The following DCLK1 variants were observed in gnomAD, a reference collection of about 807,000 sequenced individuals.
DCLK1 encodes the protein doublecortin like kinase 1.
In DCLK1, 16 loss-of-function variants were observed where a neutral mutation model predicts 86.2. The observed-to-expected ratio is 0.19, with a 90% CI of 0.13 to 0.28. The LOEUF (loss-of-function observed/expected upper bound fraction) is 0.28, where lower values mean the gene tolerates loss of function less well. Among genes scored for constraint, DCLK1 ranks in the 10% least tolerant of loss-of-function variants. The pLI, the probability that DCLK1 is intolerant of heterozygous loss-of-function variation, is 1.00. For synonymous variants in DCLK1, 369 were observed against 370.5 expected (o/e 1.00, Z 0.05); for missense variants, 590 against 940.2 (o/e 0.63, Z 4.87).
rs2086276836 is a variant in DCLK1 at position 35,768,762 on chromosome 13, A to G, written c.*5773T>C. On this transcript the variant is annotated 3_prime_UTR_variant, in exon 17 of 17. Coordinates refer to ENST00000360631, the MANE Select transcript of DCLK1 (RefSeq NM_001330071.2). ...GCTGTTTTTGAATTATGCTCATGAA[A>G]TACACACTGTGCTATGGAGGACATG... 2 of 152,362 alleles carry G rather than the reference A, an allele frequency of 1.3e-5. No homozygotes were observed. Among genetic ancestry groups the G allele is most frequent in the South Asian group, 2.1e-4 (1 of 4,828 alleles). 9.4% of individuals were successfully genotyped at this position (152,362 alleles called of 1,614,324 possible). A position where few individuals can be genotyped will look rare whatever the true frequency, so the allele number is the denominator to read the frequency against.
At chr13:35,915,920 G>A (rs1003678696) in intron 4 of DCLK1, among the ~76,000 whole-genome samples, 6 of 152,134 alleles carry the variant, frequency 3.9e-5, no homozygotes, top group African/African-American at 1.4e-4. Context: ...AAATGTTCAA[G>A]CCTGACACAT....
At chr13:35,791,798 C>T (rs545464617) in intron 16 of DCLK1, among the ~76,000 whole-genome samples, 1 of 152,332 alleles carries the variant, frequency 6.6e-6, no homozygotes, top group East Asian at 1.9e-4. Flanking sequence ...GGCACTCTCT[C>T]TAGCAGCTGT....
intron 4 of DCLK1, among the ~76,000 whole-genome samples, chr13:35,896,949 T>G (rs1566591552): frequency 1.3e-5 from 2 of 152,064 alleles, no homozygotes. Context: ...TTAGAGAATG[T>G]GCAGAGATAA....
intron 6 of DCLK1, among the ~76,000 whole-genome samples, chr13:35,851,460 G>A (rs1870631173): frequency 6.6e-6 from 1 of 151,812 alleles, no homozygotes; most frequent in African/African-American, 2.4e-5. Context: ...GTCTAGAGTT[G>A]GCTTTTCTCC....
chr13:36,095,159 A>G, intron 3 of DCLK1, among the ~76,000 whole-genome samples: 1 of 126,768 alleles, frequency 7.9e-6, no homozygotes, highest in East Asian at 2.6e-4. Context: ...ATATCTCTCT[A>G]TCTCTCTCTC....
At chr13:36,099,485 C>T (rs1380735162) in intron 3 of DCLK1, among the ~76,000 whole-genome samples, 1 of 152,080 alleles carries the variant, frequency 6.6e-6, no homozygotes, top group African/African-American at 2.4e-5. Context: ...AGTAATGAAA[C>T]TTGCAGTGAG....
chr13:35,800,186 G>T (rs1323042880), intron 15 of DCLK1, among the ~76,000 whole-genome samples: 1 of 152,192 alleles, frequency 6.6e-6, no homozygotes, highest in Non-Finnish European at 1.5e-5. Context: ...TGAAACAGTT[G>T]TCATCTGGCT....
At chr13:36,061,755 G>C (rs968829074) in intron 3 of DCLK1, among the ~76,000 whole-genome samples, 3 of 152,148 alleles carry the variant, frequency 2.0e-5, no homozygotes, top group Non-Finnish European at 4.4e-5. Context: ...GTTTGACAGA[G>C]AGCCCAACAA....
intron 5 of DCLK1, among the ~76,000 whole-genome samples, chr13:35,869,526 G>A (rs192240396): frequency 1.3e-5 from 2 of 152,182 alleles, no homozygotes; most frequent in Admixed American, 6.5e-5. Flanking sequence ...AAACAGGGAG[G>A]TAGAAAGGAA....
intron 5 of DCLK1, among the ~76,000 whole-genome samples, chr13:35,867,944 AGAAAG>A (rs940522310): frequency 6.9e-6 from 1 of 145,192 alleles, no homozygotes; most frequent in African/African-American, 2.7e-5. Context: ...AAAGAAAGAA[AGAAAG>A]AAAGAAAGAA....
intron 16 of DCLK1, among the ~76,000 whole-genome samples, chr13:35,782,305 AG>A (rs1246415762): frequency 6.6e-6 from 1 of 152,132 alleles, no homozygotes; most frequent in Admixed American, 6.5e-5. Context: ...GGTTGAGCTC[AG>A]GACAAAATTT....
At chr13:35,857,930 G>C (rs1410358559) in intron 5 of DCLK1, among the ~76,000 whole-genome samples, 1 of 152,224 alleles carries the variant, frequency 6.6e-6, no homozygotes, top group African/African-American at 2.4e-5. Context: ...TCAGGAATGA[G>C]ATGGAGGCAG....
chr13:35,894,149 A>C (rs563155737), intron 4 of DCLK1, among the ~76,000 whole-genome samples: 1 of 152,258 alleles, frequency 6.6e-6, no homozygotes, highest in Admixed American at 6.5e-5. Context: ...AACAAAAAAA[A>C]AACAACCAAA....
At chr13:35,788,811 A>ATCTTT (rs374059873) in intron 16 of DCLK1, among the ~76,000 whole-genome samples, 1 of 152,208 alleles carries the variant, frequency 6.6e-6, no homozygotes, top group Non-Finnish European at 1.5e-5. Flanking sequence ...TTAAAGGTGA[A>ATCTTT]TCTTTTCTTT....
At chr13:35,835,509 C>T (rs1869301326) in intron 8 of DCLK1, among the ~76,000 whole-genome samples, 1 of 152,184 alleles carries the variant, frequency 6.6e-6, no homozygotes, top group Non-Finnish European at 1.5e-5. Flanking sequence ...TATCTAGAAC[C>T]TCAGGATAAA....
chr13:35,916,917 G>T (rs921149230), intron 4 of DCLK1, among the ~76,000 whole-genome samples: 1 of 152,126 alleles, frequency 6.6e-6, no homozygotes, highest in Non-Finnish European at 1.5e-5. Context: ...AACCTAGAAA[G>T]GATTTTCTGA....
chr13:36,046,958 T>C lies in DCLK1; in HGVS notation c.723+64911A>G, dbSNP rs1882938207. Among the ~76,000 whole-genome samples, 8 of 152,308 alleles carry C rather than the reference T, an allele frequency of 5.3e-5. No homozygotes were observed. In the South Asian group the frequency reaches 1.7e-3, roughly 32 times the overall value. On this transcript the variant is annotated intron_variant, in intron 3 of 16. Coordinates refer to ENST00000360631, the MANE Select transcript of DCLK1 (RefSeq NM_001330071.2). The stretch of plus-strand genomic sequence containing the variant: ...TTCACTCTTTCTAAATAGTCTGGCA[T>C]AAGAGGAACTCGAGCAACTCAATTG...
At chr13:35,889,464 A>C (rs1539546) in intron 4 of DCLK1, among the ~76,000 whole-genome samples, 53,369 of 151,952 alleles carry the variant, frequency 0.35, 9,948 homozygotes, top group Non-Finnish European at 0.41. Flanking sequence ...TTTCCTGGAC[A>C]ACCACTTTTT....
At chr13:35,819,912 G>C (rs930573548) in intron 11 of DCLK1, among the ~76,000 whole-genome samples, 4 of 152,140 alleles carry the variant, frequency 2.6e-5, no homozygotes, top group African/African-American at 9.7e-5. Context: ...TAATAGTTAT[G>C]TTATCTTCAT....
Sources: allele counts gnomAD v4.1 joint callset (sites outside exome capture counted in the v4.1 genomes callset), GRCh38; gene constraint gnomAD v4.1.1; transcripts MANE v1.5; gene names NCBI Gene and HGNC (gene_info 2026-07-23, HGNC 2026-07-21).